CFAP20DC: variants seen among roughly 807,000 people sequenced by gnomAD.
The protein encoded by CFAP20DC is protein CFAP20DC.
Under a neutral mutation model 101.7 loss-of-function variants are expected in CFAP20DC, and 84 were observed. That is an observed-to-expected ratio of 0.83 (90% CI 0.69 to 0.99). The LOEUF (loss-of-function observed/expected upper bound fraction) is 0.99. Among genes scored for constraint, CFAP20DC ranks in the 50% least tolerant of loss-of-function variants. The pLI, the probability that CFAP20DC is intolerant of heterozygous loss-of-function variation, is 0.00. For missense variants in CFAP20DC, 1,007 were observed against 970.3 expected (o/e 1.04, Z -0.50); for synonymous variants, 359 against 351.2 (o/e 1.02, Z -0.25).
At chr3:58,816,591 A>G (rs1575739326) in intron 14 of CFAP20DC, among the ~76,000 whole-genome samples, 1 of 151,896 alleles carries the variant, frequency 6.6e-6, no homozygotes, top group African/African-American at 2.4e-5. Flanking sequence ...ACCGGCTTAA[A>G]AAACGGTGAA....
intron 5 of CFAP20DC, among the ~76,000 whole-genome samples, chr3:58,930,066 C>T (rs1466795754): frequency 6.6e-6 from 1 of 152,196 alleles, no homozygotes; most frequent in African/African-American, 2.4e-5. Context: ...CAGGCACCCA[C>T]TTCTTCAGAG....
intron 4 of CFAP20DC, among the ~76,000 whole-genome samples, chr3:58,992,992 T>C (rs2092991713): frequency 6.6e-6 from 1 of 152,192 alleles, no homozygotes; most frequent in South Asian, 2.1e-4. Flanking sequence ...ACTCCTTGTT[T>C]TGGCTTTAAA....
chr3:58,798,962 A>T (rs2073462140), intron 15 of CFAP20DC, among the ~76,000 whole-genome samples: 1 of 152,248 alleles, frequency 6.6e-6, no homozygotes, highest in South Asian at 2.1e-4. Flanking sequence ...ATAGTAACAT[A>T]ACTTTTACAT....
In CFAP20DC at chr3:58,805,515, A is replaced by G. The variant is rs1443748140; in HGVS notation, c.2237+880T>C. Among the ~76,000 whole-genome samples, 5 of 152,300 alleles carry G rather than the reference A, an allele frequency of 3.3e-5. No homozygotes were observed. In the East Asian group the frequency reaches 9.6e-4, roughly 29 times the overall value. On this transcript the variant is annotated intron_variant, in intron 15 of 16. Transcript: ENST00000482387. ...CTAAGCTGTTTTGTAGTGTGTAACC[A>G]AAGAGTCTTAATTCAGACACCATGC...
At position 58,969,827 on chromosome 3, in the gene CFAP20DC, G is replaced by C. The variant is rs116692975; in HGVS notation, c.279-32065C>G. 7.9e-3 allele frequency among the ~76,000 whole-genome samples: 1,207 copies of C among 152,260 alleles called. 10 individuals carry two copies. The highest frequency in any genetic ancestry group is 0.013 in the Non-Finnish European group (886 of 68,018). On this transcript the variant is annotated intron_variant, in intron 4 of 16. Coordinates refer to ENST00000482387, the MANE Select transcript of CFAP20DC (RefSeq NM_001394063.1). ...CCACTTACATGAAGTATTTGAAATA[G>C]GCAAATCTAGAGAGACAGAGAGAAA...
chr3:58,988,664 A>C (rs910476060), intron 4 of CFAP20DC, among the ~76,000 whole-genome samples: 1 of 152,190 alleles, frequency 6.6e-6, no homozygotes, highest in African/African-American at 2.4e-5. Flanking sequence ...TACTTCGTTA[A>C]AGCAGCCCAA....
intron 16 of CFAP20DC, among the ~76,000 whole-genome samples, chr3:58,748,891 C>A (rs2068379472): frequency 6.6e-6 from 1 of 152,148 alleles, no homozygotes; most frequent in South Asian, 2.1e-4. Flanking sequence ...GGGTCTGTGA[C>A]CCAGGCTAGC....
intron 3 of CFAP20DC, among the ~76,000 whole-genome samples, chr3:59,039,860 G>A (rs774159204): frequency 5.9e-4 from 89 of 151,884 alleles, no homozygotes; most frequent in Middle Eastern, 3.4e-3. Context: ...TGTGGCCTTC[G>A]TGAAATTTTT....
chr3:58,811,218 C>T (rs9868802), intron 14 of CFAP20DC, among the ~76,000 whole-genome samples: 18,279 of 151,718 alleles, frequency 0.12, 1,993 homozygotes, highest in East Asian at 0.35. Context: ...AAAGTTCATA[C>T]GGAACCAAAA....
chr3:58,878,507 A>C (rs1178671720), intron 7 of CFAP20DC, among the ~76,000 whole-genome samples: 1 of 152,212 alleles, frequency 6.6e-6, no homozygotes, highest in Non-Finnish European at 1.5e-5. Context: ...ATGAGCAAAG[A>C]AACTTTTTTT....
Position 58,894,422 on chromosome 3 carries a change from C to T in CFAP20DC, c.551-9713G>A, listed in dbSNP as rs1438477537. On this transcript the variant is annotated intron_variant, in intron 6 of 16. Transcript: ENST00000482387. The surrounding 1 kb of genome is among the most constrained non-coding windows in gnomAD (Gnocchi z 4.1). Reference sequence around the variant, plus strand: ...GCAAAAACAAAGAAGCTACAGGCCCCATGCAAGTCCAAAATCCAGCAGGGC... The same window carrying T: ...GCAAAAACAAAGAAGCTACAGGCCCTATGCAAGTCCAAAATCCAGCAGGGC... Among the ~76,000 whole-genome samples, 1 of 152,206 alleles carries T rather than the reference C, an allele frequency of 6.6e-6. No individual in the cohort carries two copies. The highest frequency in any genetic ancestry group is 1.5e-5 in the Non-Finnish European group (1 of 68,022).
intron 6 of CFAP20DC, among the ~76,000 whole-genome samples, chr3:58,891,331 G>A (rs548755102): frequency 6.6e-6 from 1 of 151,860 alleles, no homozygotes; most frequent in African/African-American, 2.4e-5. Context: ...GGAGAATCAG[G>A]CAGGGAGGTT....
At chr3:58,832,948 AT>A (rs1232910107) in intron 13 of CFAP20DC, among the ~76,000 whole-genome samples, 1 of 152,224 alleles carries the variant, frequency 6.6e-6, no homozygotes, top group Non-Finnish European at 1.5e-5. Context: ...TTTCTTGTAC[AT>A]CTGGAAACAC....
chr3:58,848,168 T>TA (rs55786702), intron 13 of CFAP20DC, among the ~76,000 whole-genome samples: 136,722 of 144,064 alleles, frequency 0.95, 64,893 homozygotes, highest in East Asian at 0.99. Flanking sequence ...AAAGTATAAT[T>TA]AAAAAAAAAA....
intron 15 of CFAP20DC, among the ~76,000 whole-genome samples, chr3:58,790,213 G>A (rs932809020): frequency 6.6e-6 from 1 of 152,114 alleles, no homozygotes; most frequent in Non-Finnish European, 1.5e-5. Context: ...AGTGAGCCTG[G>A]TGACTTCTAA....
Position 58,937,883 on chromosome 3 carries a change from C to T in CFAP20DC, c.279-121G>A, listed in dbSNP as rs1160555913. 2.7e-5 allele frequency: 18 copies of T among 655,462 alleles called. No individual in the cohort carries two copies. In the Admixed American group the frequency reaches 3.8e-4, roughly 14 times the overall value. 40.6% of individuals were successfully genotyped at this position (655,462 alleles called of 1,614,324 possible). On this transcript the variant is annotated intron_variant, in intron 4 of 16. Coordinates refer to ENST00000482387, the MANE Select transcript of CFAP20DC (RefSeq NM_001394063.1). ...CCCTTTTCAACAGGAAGATCAAACACAGAATTTAAGAATTGCCTTTTTCTT... is the reference window on the plus strand; with the variant it reads ...CCCTTTTCAACAGGAAGATCAAACATAGAATTTAAGAATTGCCTTTTTCTT...
At chr3:58,842,376 C>G (rs1274826204) in intron 13 of CFAP20DC, among the ~76,000 whole-genome samples, 1 of 152,148 alleles carries the variant, frequency 6.6e-6, no homozygotes, top group Non-Finnish European at 1.5e-5. Context: ...TCAGGGAGTT[C>G]CCTTTCCGAG....
At chr3:58,744,387 G>C (rs907135323) in intron 16 of CFAP20DC, among the ~76,000 whole-genome samples, 1 of 152,134 alleles carries the variant, frequency 6.6e-6, no homozygotes, top group South Asian at 2.1e-4. Flanking sequence ...CCTTGATTAT[G>C]CTAAAGGAGT....
chr3:58,841,761 A>T (rs2077128156), intron 13 of CFAP20DC, among the ~76,000 whole-genome samples: 1 of 152,210 alleles, frequency 6.6e-6, no homozygotes, highest in South Asian at 2.1e-4. Flanking sequence ...TCTTTTCTAA[A>T]GACAATACCT....
Sources: gnomAD v4.1 joint callset for allele counts (sites outside exome capture counted in the v4.1 genomes callset) on GRCh38, gnomAD v4.1.1 for gene constraint, Gnocchi (gnomAD v3.1) non-coding constraint, MANE v1.5 for transcripts, NCBI Gene and HGNC (gene_info 2026-07-23, HGNC 2026-07-21) for gene names.